ATP2B2: variants seen among roughly 807,000 people sequenced by gnomAD.
The protein encoded by ATP2B2 is ATPase plasma membrane Ca2+ transporting 2, also known as plasma membrane calcium-transporting ATPase 2.
Under a neutral mutation model 120.0 loss-of-function variants are expected in ATP2B2, and 15 were observed. The ratio of observed to expected loss-of-function variants is 0.12; its 90% CI spans 0.08 to 0.19. The LOEUF (loss-of-function observed/expected upper bound fraction) is 0.19. Ranked by LOEUF, ATP2B2 falls within the 10% of genes least tolerant of loss-of-function variation. The probability of loss-of-function intolerance (pLI) is 1.00; values close to 1 mark genes in which losing one functional copy is unlikely to be tolerated. For missense variants in ATP2B2, 1,045 were observed against 1,719.8 expected, an observed-to-expected ratio of 0.61 and a Z score of 6.94; for synonymous variants, 694 against 700.3, an observed-to-expected ratio of 0.99 and a Z score of 0.14.
chr3:10,504,044 TGGG>T (rs2066502019), intron 1 of ATP2B2, among the ~76,000 whole-genome samples: 1 of 152,198 alleles, frequency 6.6e-6, no homozygotes, highest in Non-Finnish European at 1.5e-5. Flanking sequence ...GCACTACTTA[TGGG>T]TACTATATTT....
chr3:10,503,165 C>T (rs973823458), intron 1 of ATP2B2, among the ~76,000 whole-genome samples: 1 of 152,264 alleles, frequency 6.6e-6, no homozygotes, highest in Non-Finnish European at 1.5e-5. Context: ...CTGCATACAA[C>T]GTAAGCCACA....
chr3:10,622,561 G>A (rs944442890), intron 1 of ATP2B2, among the ~76,000 whole-genome samples: 1 of 152,120 alleles, frequency 6.6e-6, no homozygotes, highest in Non-Finnish European at 1.5e-5. Flanking sequence ...GACCCCAGAA[G>A]GCCAGGGGCA....
chr3:10,597,535 G>A (rs533921181), intron 2 of ATP2B2, among the ~76,000 whole-genome samples: 4 of 152,292 alleles, frequency 2.6e-5, no homozygotes, highest in South Asian at 2.1e-4. Context: ...AAGGAGGGAC[G>A]AGTAACTGGC....
chr3:10,369,772 G>A (rs539236098), intron 12 of ATP2B2, among the ~76,000 whole-genome samples: 4 of 152,278 alleles, frequency 2.6e-5, no homozygotes, highest in African/African-American at 7.2e-5. Context: ...TATTCATACA[G>A]CTGGTGAGGG....
chr3:10,674,988 T>C (rs1280170080), intron 1 of ATP2B2, among the ~76,000 whole-genome samples: 1 of 152,222 alleles, frequency 6.6e-6, no homozygotes, highest in Non-Finnish European at 1.5e-5. Context: ...TTTAGAACGG[T>C]CCAGGCTTTT....
intron 1 of ATP2B2, among the ~76,000 whole-genome samples, chr3:10,666,030 T>C (rs760604655): frequency 5.9e-5 from 9 of 152,022 alleles, no homozygotes; most frequent in Admixed American, 5.9e-4. Flanking sequence ...AGAACTTGCT[T>C]TTGGTTTTAA....
At chr3:10,374,113 G>C (rs1019083964) in intron 11 of ATP2B2, among the ~76,000 whole-genome samples, 2 of 152,162 alleles carry the variant, frequency 1.3e-5, no homozygotes, top group African/African-American at 4.8e-5. Flanking sequence ...CCAGAGATAC[G>C]AACTGCAGAA....
chr3:10,558,971 T>C (rs2067841615), intron 2 of ATP2B2, among the ~76,000 whole-genome samples: 1 of 152,204 alleles, frequency 6.6e-6, no homozygotes. Flanking sequence ...ATATACCTTG[T>C]GGCTCTCAAC....
intron 2 of ATP2B2, among the ~76,000 whole-genome samples, chr3:10,440,676 G>A (rs904195483): frequency 1.3e-5 from 2 of 152,188 alleles, no homozygotes; most frequent in African/African-American, 4.8e-5. Context: ...TCCTGATTTT[G>A]TCCCCAATCA....
intron 2 of ATP2B2, among the ~76,000 whole-genome samples, chr3:10,445,140 A>G (rs934478916): frequency 2.0e-5 from 3 of 152,248 alleles, no homozygotes; most frequent in African/African-American, 7.2e-5. Context: ...ACACTAGAGT[A>G]TAATAACAAT....
chr3:10,372,084 G>A lies in ATP2B2; in HGVS notation c.1417-33C>T, dbSNP rs1352773750. The A allele has an allele frequency of 3.7e-6, 6 of 1,613,864 alleles. No individual in the cohort carries two copies. In the South Asian group the frequency reaches 5.5e-5, roughly 15 times the overall value. ...AAGGGGCAGGTGAGAGGGCAACAGTGAGGAGAGGGGCTGGGGAGCATGGGG... is the reference window on the plus strand; with the variant it reads ...AAGGGGCAGGTGAGAGGGCAACAGTAAGGAGAGGGGCTGGGGAGCATGGGG... On this transcript the variant is annotated intron_variant, in intron 11 of 22. Coordinates refer to ENST00000360273, the MANE Select transcript of ATP2B2 (RefSeq NM_001001331.4).
intron 1 of ATP2B2, among the ~76,000 whole-genome samples, chr3:10,680,426 A>T (rs1021435482): frequency 4.2e-4 from 64 of 151,936 alleles, no homozygotes; most frequent in African/African-American, 1.5e-3. Flanking sequence ...AGCTCTTAAA[A>T]TTCCCCTCAT....
chr3:10,505,635 C>A (rs942802100), upstream of ATP2B2: 1 of 141,002 alleles, frequency 7.1e-6, no homozygotes, highest in African/African-American at 2.6e-5. Context: ...GCGCCGGCGC[C>A]GGTTCTAGGA....
chr3:10,373,331 T>G (rs2061294618), intron 11 of ATP2B2, among the ~76,000 whole-genome samples: 1 of 152,220 alleles, frequency 6.6e-6, no homozygotes, highest in South Asian at 2.1e-4. Flanking sequence ...CTACCTCCGT[T>G]TAACCTCACA....
chr3:10,680,500 C>A (rs1488601161), intron 1 of ATP2B2, among the ~76,000 whole-genome samples: 2 of 152,090 alleles, frequency 1.3e-5, no homozygotes, highest in Non-Finnish European at 2.9e-5. Flanking sequence ...CTCTGGTCCT[C>A]ACCAGTGGAG....
intron 1 of ATP2B2, among the ~76,000 whole-genome samples, chr3:10,693,109 G>A (rs955236751): frequency 6.6e-6 from 1 of 152,170 alleles, no homozygotes; most frequent in East Asian, 1.9e-4. Context: ...ACACTGTATC[G>A]CAAAACACAA....
chr3:10,528,191 G>C (rs1240222606), intron 3 of ATP2B2, among the ~76,000 whole-genome samples: 1 of 152,154 alleles, frequency 6.6e-6, no homozygotes, highest in Non-Finnish European at 1.5e-5. Flanking sequence ...TTGTTCTGAG[G>C]ACTCTCTGTA....
At chr3:10,339,913 ATG>A in intron 21 of ATP2B2, among the ~76,000 whole-genome samples, 1 of 152,190 alleles carries the variant, frequency 6.6e-6, no homozygotes, top group Non-Finnish European at 1.5e-5. Context: ...GCTTCCATTT[ATG>A]ACAAGTGATA....
chr3:10,363,037 C>A (rs2060945550), intron 12 of ATP2B2, among the ~76,000 whole-genome samples: 1 of 152,126 alleles, frequency 6.6e-6, no homozygotes, highest in African/African-American at 2.4e-5. Context: ...CTTATTTGCC[C>A]AAGAGAGCTG....
Sources: allele counts gnomAD v4.1 joint callset (sites outside exome capture counted in the v4.1 genomes callset), GRCh38; gene constraint gnomAD v4.1.1; transcripts MANE v1.5; gene names NCBI Gene and HGNC (gene_info 2026-07-23, HGNC 2026-07-21).